The following TPD52 variants were observed in gnomAD, a reference collection of about 807,000 sequenced individuals.
TPD52 encodes prostate and colon associated protein.
A neutral mutation model predicts 31.3 loss-of-function variants in TPD52; 17 were observed. That is an observed-to-expected ratio of 0.54 (90% confidence interval 0.37 to 0.82). The LOEUF (loss-of-function observed/expected upper bound fraction) is 0.82. Ranked by LOEUF, TPD52 falls within the 40% of genes least tolerant of loss-of-function variation. The pLI is 0.00. For missense variants in TPD52, 212 were observed against 240.1 expected, an observed-to-expected ratio of 0.88 and a Z score of 0.77; for synonymous variants, 83 against 89.6, an observed-to-expected ratio of 0.93 and a Z score of 0.42.
At chr8:80,150,185 G>A (rs992157611) in intron 1 of TPD52, among the ~76,000 whole-genome samples, 3 of 152,234 alleles carry the variant, frequency 2.0e-5, no homozygotes, top group African/African-American at 2.4e-5. Flanking sequence ...TGGCTTCAGA[G>A]GGTGCAAGCC....
At chr8:80,088,278 C>A (rs528286511) in intron 1 of TPD52, among the ~76,000 whole-genome samples, 29 of 152,202 alleles carry the variant, frequency 1.9e-4, no homozygotes, top group Non-Finnish European at 3.5e-4. Flanking sequence ...CACATGGGAT[C>A]ACACTTGGAG....
Position 80,064,060 on chromosome 8 carries a change from G to A in TPD52, c.135+418C>T, listed in dbSNP as rs1169511012. Among the ~76,000 whole-genome samples, 3 of 149,472 alleles carry A rather than the reference G, an allele frequency of 2.0e-5. No individual in the cohort carries two copies. The South Asian group carries it at 6.5e-4, about 32-fold the overall frequency. ...GGGAAGGCAGGGTAGGGAAGGGAAGGGAGGGGAGGGAAGGAGGGAGCTGGA... is the reference window on the plus strand; with the variant it reads ...GGGAAGGCAGGGTAGGGAAGGGAAGAGAGGGGAGGGAAGGAGGGAGCTGGA... On this transcript the variant is annotated intron_variant, in intron 2 of 7. Coordinates refer to ENST00000518937, the MANE Select transcript of TPD52 (RefSeq NM_001025253.3).
At chr8:80,114,799 C>T (rs1267182351) in intron 1 of TPD52, among the ~76,000 whole-genome samples, 1 of 152,154 alleles carries the variant, frequency 6.6e-6, no homozygotes, top group Non-Finnish European at 1.5e-5. Flanking sequence ...GAATGAGAAA[C>T]TACTCTCCAA....
At position 80,120,512 on chromosome 8, in the gene TPD52, T is replaced by C. The variant is rs1477161955; in HGVS notation, c.19+50913A>G. 2.0e-5 allele frequency among the ~76,000 whole-genome samples: 3 copies of C among 151,930 alleles called. 1 individual carries two copies. The highest frequency in any genetic ancestry group is 3.9e-4 in the East Asian group (2 of 5,126). ...AAGAAAAGAAAAAAAAAGAAAAGAA[T>C]GGATGGATTGAATGACAGGTTGATC... On this transcript the variant is annotated intron_variant, in intron 1 of 7. Transcript: ENST00000518937.
rs1809844010 is a variant in TPD52, at chr8:80,035,581, G to A, written c.*2535C>T. 6.6e-6 allele frequency: 1 copy of A among 152,178 alleles called. No homozygotes were observed. The highest frequency in any genetic ancestry group is 1.5e-5 in the Non-Finnish European group (1 of 68,040). The allele number at this position is 152,178 out of a possible 1,614,324, so 9.4% of individuals were successfully genotyped here. On this transcript the variant is annotated 3_prime_UTR_variant, in exon 8 of 8. Transcript: ENST00000518937. ...GACTGTGCATATCTTAACAGATCCAGATCCAAATTAAATACTTTTTTTCTA... is the reference window on the plus strand; with the variant it reads ...GACTGTGCATATCTTAACAGATCCAAATCCAAATTAAATACTTTTTTTCTA...
At chr8:80,102,848 C>T (rs150213864) in intron 1 of TPD52, among the ~76,000 whole-genome samples, 32 of 152,252 alleles carry the variant, frequency 2.1e-4, no homozygotes, top group African/African-American at 7.0e-4. Flanking sequence ...ACAGTTGAAT[C>T]GATTAACCAA....
chr8:80,147,450 T>C (rs957144844), intron 1 of TPD52, among the ~76,000 whole-genome samples: 2 of 152,184 alleles, frequency 1.3e-5, no homozygotes, highest in Non-Finnish European at 1.5e-5. Flanking sequence ...GTCTTACTGG[T>C]GACTCCGGTG....
chr8:80,052,807 A>T, intron 3 of TPD52: 1 of 336,556 alleles, frequency 3.0e-6, no homozygotes, highest in Non-Finnish European at 5.4e-6. Context: ...GAATCTTTTG[A>T]TACCTACACA....
At chr8:80,032,266 G>A (rs545811006), downstream of TPD52, among the ~76,000 whole-genome samples, 144 of 151,858 alleles carry the variant, frequency 9.5e-4, no homozygotes, top group Non-Finnish European at 1.7e-3. Flanking sequence ...GGACTGTAAA[G>A]AACTGAACAA....
chr8:80,123,630 G>A (rs977736811), intron 1 of TPD52, among the ~76,000 whole-genome samples: 1 of 152,192 alleles, frequency 6.6e-6, no homozygotes, highest in African/African-American at 2.4e-5. Context: ...TGTGCTGCGT[G>A]GGCAGTTGGA....
At chr8:80,148,870 GA>G (rs1810382252) in intron 1 of TPD52, among the ~76,000 whole-genome samples, 1 of 152,104 alleles carries the variant, frequency 6.6e-6, no homozygotes, top group South Asian at 2.1e-4. Flanking sequence ...GTTGTACAGA[GA>G]AAAATCATTT....
At chr8:80,080,714 T>C (rs536664112) in intron 1 of TPD52, 7 of 1,146,378 alleles carry the variant, frequency 6.1e-6, no homozygotes, top group Non-Finnish European at 4.3e-6. Context: ...CTGGTGTTAA[T>C]TTCGATCAAC....
In TPD52 at chr8:80,107,760, T is replaced by C. The variant is rs535186322; in HGVS notation, c.20-43167A>G. Among the ~76,000 whole-genome samples the C allele has an allele frequency of 5.9e-5, 9 of 152,330 alleles. No homozygotes were observed. In the South Asian group the frequency reaches 1.9e-3, roughly 32 times the overall value. ...ACTGACCCAAATGTGTGTTTTTTTT[T>C]TAATAAGTTCACATGATTTACATAA... On this transcript the variant is annotated intron_variant, in intron 1 of 7. Coordinates refer to ENST00000518937, the MANE Select transcript of TPD52 (RefSeq NM_001025253.3).
chr8:80,080,733 ACC>A, intron 1 of TPD52: 1 of 1,109,194 alleles, frequency 9.0e-7, no homozygotes, highest in Non-Finnish European at 1.1e-6. Flanking sequence ...ACAATGAAAA[ACC>A]TGGGCAGGGA....
chr8:80,128,611 T>C (rs966726961), intron 1 of TPD52, among the ~76,000 whole-genome samples: 1 of 151,736 alleles, frequency 6.6e-6, no homozygotes, highest in East Asian at 1.9e-4. Flanking sequence ...CTGTGAGCTA[T>C]TATCACGCCA....
At chr8:80,163,518 G>A (rs553690621) in intron 1 of TPD52, among the ~76,000 whole-genome samples, 4 of 152,224 alleles carry the variant, frequency 2.6e-5, no homozygotes, top group Admixed American at 6.5e-5. Flanking sequence ...TTTTCATTTT[G>A]AAAAATGAAA....
intron 1 of TPD52, among the ~76,000 whole-genome samples, chr8:80,154,294 T>C (rs1402504803): frequency 1.3e-5 from 2 of 152,220 alleles, no homozygotes; most frequent in African/African-American, 4.8e-5. Flanking sequence ...CCAGGACTCC[T>C]GTGGAAGAGG....
At chr8:80,124,815 C>T (rs1232931757) in intron 1 of TPD52, among the ~76,000 whole-genome samples, 2 of 151,966 alleles carry the variant, frequency 1.3e-5, no homozygotes, top group African/African-American at 4.8e-5. Context: ...GACAAACAAA[C>T]AAACAAAAAA....
At position 80,093,112 on chromosome 8, in the gene TPD52, C is replaced by T. The variant is rs183804305; in HGVS notation, c.20-28519G>A. 3.3e-5 allele frequency among the ~76,000 whole-genome samples: 5 copies of T among 152,250 alleles called. No individual in the cohort carries two copies. The East Asian group carries it at 9.6e-4, about 29-fold the overall frequency. On this transcript the variant is annotated intron_variant, in intron 1 of 7. Transcript: ENST00000518937. Reference sequence around the variant, plus strand: ...GCAAGTTCAGATAGGACAAAACCGGCTGTGTCACAACAGGGTGTGCACATG... The same window carrying T: ...GCAAGTTCAGATAGGACAAAACCGGTTGTGTCACAACAGGGTGTGCACATG...
Sources: allele counts gnomAD v4.1 joint callset (sites outside exome capture counted in the v4.1 genomes callset), GRCh38; gene constraint gnomAD v4.1.1; transcripts MANE v1.5; gene names NCBI Gene and HGNC (gene_info 2026-07-23, HGNC 2026-07-21).